The following SOD2 variants were observed in gnomAD, a reference collection of about 807,000 sequenced individuals.
The protein encoded by SOD2 is superoxide dismutase 2.
A neutral mutation model predicts 27.0 loss-of-function variants in SOD2; 11 were observed. The ratio of observed to expected loss-of-function variants is 0.41; its 90% CI spans 0.26 to 0.67. The LOEUF (loss-of-function observed/expected upper bound fraction) is 0.67, where lower values mean the gene tolerates loss of function less well. SOD2 is among the 30% of genes least tolerant of loss of function. The pLI, the probability that SOD2 is intolerant of heterozygous loss-of-function variation, is 0.34. For missense variants in SOD2, 250 were observed against 274.5 expected (o/e 0.91, Z 0.63); for synonymous variants, 105 against 103.0 (o/e 1.02, Z -0.12).
At chr6:159,713,346 T>C in intron 1 of SOD2, 2 of 654,448 alleles carry the variant, frequency 3.1e-6, no homozygotes, top group Non-Finnish European at 5.5e-6. Flanking sequence ...CTATTACACC[T>C]CAGCCAGCCC....
chr6:159,680,155 C>T lies in SOD2; in HGVS notation c.*2338G>A, dbSNP rs1351085964. On this transcript the variant is annotated 3_prime_UTR_variant, in exon 5 of 5. Coordinates refer to ENST00000538183, the MANE Select transcript of SOD2 (RefSeq NM_000636.4). The stretch of plus-strand genomic sequence containing the variant: ...TTAAAGCTTAGTAGGAATCAAAAAG[C>T]TTTATATAAGTCAGCAGATCTGCAA... 3 of 152,194 alleles carry T rather than the reference C, an allele frequency of 2.0e-5. No homozygotes were observed. The highest frequency in any genetic ancestry group is 4.4e-5 in the Non-Finnish European group (3 of 68,024). 9.4% of individuals were successfully genotyped at this position (152,194 alleles called of 1,614,324 possible).
At chr6:159,702,329 C>G (rs977579538) in intron 1 of SOD2, among the ~76,000 whole-genome samples, 5 of 150,574 alleles carry the variant, frequency 3.3e-5, no homozygotes, top group Non-Finnish European at 7.4e-5. Context: ...CTGAGTCTCA[C>G]TCTATCACCC....
intron 1 of SOD2, among the ~76,000 whole-genome samples, chr6:159,742,573 AT>A (rs1297793584): frequency 6.6e-6 from 1 of 152,110 alleles, no homozygotes; most frequent in Non-Finnish European, 1.5e-5. Context: ...ATATATACAG[AT>A]TTTTTTAAAT....
chr6:159,691,578 T>C (rs536348753), intron 2 of SOD2: 18 of 152,330 alleles, frequency 1.2e-4, no homozygotes, highest in Non-Finnish European at 1.5e-4. Flanking sequence ...CTATCGATTA[T>C]CTTCCTTGTG....
At chr6:159,682,915 ACCAACAAATTAATTCAAGAGCCAAT>A (rs569079251) in intron 4 of SOD2, among the ~76,000 whole-genome samples, 1 of 152,334 alleles carries the variant, frequency 6.6e-6, no homozygotes, top group East Asian at 1.9e-4. Flanking sequence ...TCTTAAAAAT[ACCAACAAATTAATTCAAGAGCCAAT>A]TCCCAGCCTT....
chr6:159,690,822 G>C (rs1304407605), intron 2 of SOD2: 1 of 151,796 alleles, frequency 6.6e-6, no homozygotes, highest in Non-Finnish European at 1.5e-5. Context: ...AAAAATTGAG[G>C]GCTTAATATC....
chr6:159,723,147 G>C (rs898012560), intron 1 of SOD2, among the ~76,000 whole-genome samples: 1 of 152,186 alleles, frequency 6.6e-6, no homozygotes, highest in Non-Finnish European at 1.5e-5. Flanking sequence ...GATGGTGGCT[G>C]ACTCCCTTGC....
intron 1 of SOD2, chr6:159,713,439 A>G (rs1172583389): frequency 1.5e-6 from 1 of 648,866 alleles, no homozygotes; most frequent in African/African-American, 1.8e-5. Context: ...CAGCTTGGCT[A>G]TTCTAGAAGA....
chr6:159,713,931 A>G (rs1193496108), intron 1 of SOD2: 2 of 896,784 alleles, frequency 2.2e-6, no homozygotes, highest in Non-Finnish European at 1.8e-6. Flanking sequence ...GAGCAGGACC[A>G]GGATAGGCCC....
chr6:159,720,847 C>CTTTTTTTTTTTTTTTT (rs763455003), intron 1 of SOD2, among the ~76,000 whole-genome samples: 1 of 59,946 alleles, frequency 1.7e-5, no homozygotes, highest in Non-Finnish European at 2.9e-5. Context: ...TTTTCTTTAC[C>CTTTTTTTTTTTTTTTT]TTTTTTTTTT....
chr6:159,748,381 A>G, upstream of SOD2: 2 of 1,613,418 alleles, frequency 1.2e-6, no homozygotes, highest in Non-Finnish European at 1.7e-6. This position sits in a 1 kb window ranked among gnomAD's most constrained non-coding sequence, Gnocchi z 5.6. Flanking sequence ...TAAACAAATC[A>G]TACTCCCCAG....
rs1779944197 is a variant in SOD2 at position 159,681,174 on chromosome 6, CA to C, written c.*1318del. 1 of 95,812 alleles carries C rather than the reference CA, an allele frequency of 1.0e-5. No homozygotes were observed. The highest frequency in any genetic ancestry group is 3.1e-5 in the African/African-American group (1 of 32,564). 5.9% of individuals were successfully genotyped at this position (95,812 alleles called of 1,614,324 possible). On this transcript the variant is annotated 3_prime_UTR_variant, in exon 5 of 5. Coordinates refer to ENST00000538183, the MANE Select transcript of SOD2 (RefSeq NM_000636.4). ...GCAGGGACCCCTCTTTGGGGTGTGC[CA>C]GGGGGATTCCCACAAGCACAGAAAT...
chr6:159,731,304 G>GA (rs974765366), upstream of SOD2, among the ~76,000 whole-genome samples: 40 of 141,178 alleles, frequency 2.8e-4, no homozygotes, highest in Middle Eastern at 4.2e-3. Flanking sequence ...CTACTACCAA[G>GA]AAAAAAAAAA....
intron 1 of SOD2, among the ~76,000 whole-genome samples, chr6:159,742,310 G>A (rs1779305672): frequency 6.6e-6 from 1 of 152,192 alleles, no homozygotes; most frequent in Non-Finnish European, 1.5e-5. Context: ...AAAGATGAAT[G>A]AGACACAGTC....
At chr6:159,692,617 G>T in intron 2 of SOD2, 44 bp downstream of exon 2, 2 of 1,605,442 alleles carry the variant, frequency 1.2e-6, no homozygotes, top group South Asian at 1.1e-5. Context: ...CCCTGGGGTC[G>T]CCTCTGCCGG....
chr6:159,748,184 T>C, upstream of SOD2: 1 of 1,613,292 alleles, frequency 6.2e-7, no homozygotes, highest in Non-Finnish European at 8.5e-7. This position sits in a 1 kb window ranked among gnomAD's most constrained non-coding sequence, Gnocchi z 5.6. Flanking sequence ...TCTTTTGCTT[T>C]GCACAGACTC....
intron 1 of SOD2, among the ~76,000 whole-genome samples, chr6:159,719,785 G>A (rs1053653225): frequency 1.4e-5 from 2 of 146,306 alleles, no homozygotes; most frequent in South Asian, 4.3e-4. Context: ...GTGCAGTCAC[G>A]CGATCTTGGC....
upstream of SOD2, among the ~76,000 whole-genome samples, chr6:159,697,963 A>G (rs1777454843): frequency 6.6e-6 from 1 of 152,164 alleles, no homozygotes; most frequent in Non-Finnish European, 1.5e-5. Flanking sequence ...AACATGGTGA[A>G]ACCCCATCTC....
At chr6:159,688,034 A>C (rs545737607) in intron 3 of SOD2, 92 bp downstream of exon 3, 11 of 795,274 alleles carry the variant, frequency 1.4e-5, no homozygotes, top group Middle Eastern at 2.4e-4. Flanking sequence ...AACAAAAAAA[A>C]CAAAAAACAA....
Sources: allele counts gnomAD v4.1 joint callset (sites outside exome capture counted in the v4.1 genomes callset), GRCh38; gene constraint gnomAD v4.1.1; non-coding constraint Gnocchi (gnomAD v3.1); transcripts MANE v1.5; gene names NCBI Gene and HGNC (gene_info 2026-07-23, HGNC 2026-07-21).